The following CELF1 variants were observed in gnomAD, a reference collection of about 807,000 sequenced individuals.
The protein encoded by CELF1 is CUGBP Elav-like family member 1.
A neutral mutation model predicts 61.8 loss-of-function variants in CELF1; 10 were observed. The ratio of observed to expected loss-of-function variants is 0.16; its 90% CI spans 0.10 to 0.27. CELF1 has a LOEUF of 0.27. Ranked by LOEUF, CELF1 falls within the 10% of genes least tolerant of loss-of-function variation. The probability of loss-of-function intolerance (pLI) is 1.00; values close to 1 mark genes in which losing one functional copy is unlikely to be tolerated. For synonymous variants in CELF1, 236 were observed against 225.1 expected (o/e 1.05, Z -0.43); for missense variants, 380 against 639.1 (o/e 0.59, Z 4.37).
intron 1 of CELF1, among the ~76,000 whole-genome samples, chr11:47,511,852 TCTGA>T (rs2095210686): frequency 6.6e-6 from 1 of 151,510 alleles, no homozygotes; most frequent in Non-Finnish European, 1.5e-5. Flanking sequence ...TAAAGTTGAG[TCTGA>T]CTTTTTTTTT....
intron 1 of CELF1, among the ~76,000 whole-genome samples, chr11:47,552,091 G>A (rs2153779611): frequency 6.6e-6 from 1 of 151,656 alleles, no homozygotes; most frequent in East Asian, 1.9e-4. Context: ...ACATTATAAA[G>A]CATTTCATGC....
chr11:47,549,186 G>GA (rs1212819918), intron 1 of CELF1, among the ~76,000 whole-genome samples: 2 of 152,064 alleles, frequency 1.3e-5, no homozygotes, highest in Non-Finnish European at 2.9e-5. Context: ...AACTGCTATA[G>GA]AAAAAAGTAT....
In CELF1 at chr11:47,471,477, T is replaced by G. The variant is rs2077686943; in HGVS notation, c.*753A>C. 6.6e-6 allele frequency: 1 copy of G among 152,284 alleles called. No homozygotes were observed. Among genetic ancestry groups the G allele is most frequent in the South Asian group, 2.1e-4 (1 of 4,832 alleles). The allele number at this position is 152,284 out of a possible 1,614,324, so 9.4% of individuals were successfully genotyped here. On this transcript the variant is annotated 3_prime_UTR_variant, in exon 15 of 15. Transcript: ENST00000687097. ...CAGCCAGGCAAGGCCAATCCAATAC[T>G]GACTGCTGGCTGGGGGAGCTCGTAA...
chr11:47,489,345 A>G (rs2089707311), intron 3 of CELF1, among the ~76,000 whole-genome samples: 1 of 152,146 alleles, frequency 6.6e-6, no homozygotes, highest in Non-Finnish European at 1.5e-5. Context: ...CCAAAACAAG[A>G]TCAAGTTTTA....
At chr11:47,490,261 C>T (rs975963606) in intron 3 of CELF1, among the ~76,000 whole-genome samples, 4 of 151,814 alleles carry the variant, frequency 2.6e-5, no homozygotes, top group East Asian at 1.9e-4. Flanking sequence ...CAAAGTCCTT[C>T]GTCCTATTTG....
intron 2 of CELF1, among the ~76,000 whole-genome samples, chr11:47,558,252 G>T (rs918185220): frequency 6.6e-6 from 1 of 151,646 alleles, no homozygotes; most frequent in African/African-American, 2.4e-5. Context: ...ATGTCAAGTT[G>T]TCTGTCCTGC....
At chr11:47,483,586 T>C (rs901356440) in intron 7 of CELF1, 54 bp from the exon 8 acceptor site, 8 of 1,329,260 alleles carry the variant, frequency 6.0e-6, no homozygotes, top group African/African-American at 1.4e-5. Flanking sequence ...CTGACAAACA[T>C]TAACTGAGCA....
Position 47,478,951 on chromosome 11 carries a change from A to T in CELF1, c.770T>A (p.Leu257His). 2 of 1,610,914 alleles carry T rather than the reference A, an allele frequency of 1.2e-6. No homozygotes were observed. The highest frequency in any genetic ancestry group is 1.7e-6 in the Non-Finnish European group (2 of 1,178,472). The change falls in exon 10 of 15, where the codon CTT (leucine) becomes CAT (histidine). Residue 257 changes from leucine (L) to histidine (H), a missense_variant and splice_region_variant. Coordinates refer to ENST00000687097, the MANE Select transcript of CELF1 (RefSeq NM_001376376.1). ...LNTLGPQYLA[L>H]YLQLLQQTAS... ...AGTCTGCTGAAGGAGCTGCAAATAA[A>T]GCTAGACATTACACCAAAAAACAGA...
Position 47,488,969 on chromosome 11 carries a change from T to C in CELF1, c.127A>G (p.Ile43Val), listed in dbSNP as rs769917513. 12 of 1,612,844 alleles carry C rather than the reference T, an allele frequency of 7.4e-6. No individual in the cohort carries two copies. In the South Asian group the frequency reaches 8.8e-5, roughly 12 times the overall value. ...GGAACCTGGCCCACAAACATCTTGATAGCATCAAGATCTGGTTGGTCTGGG... is the reference window on the plus strand; with the variant it reads ...GGAACCTGGCCCACAAACATCTTGACAGCATCAAGATCTGGTTGGTCTGGG... ...DHPDQPDLDA[I>V]KMFVGQVPRT... is the part of the protein sequence containing the mutation. Residue 43 changes from isoleucine to valine, a missense_variant, in exon 4 of 15, where the codon ATC becomes GTC. Coordinates refer to ENST00000687097, the MANE Select transcript of CELF1 (RefSeq NM_001376376.1).
In CELF1 at chr11:47,530,688, C is replaced by T. The variant is rs542298197; in HGVS notation, c.-154+22304G>A. Reference sequence around the variant, plus strand: ...AGAGGAAAAAGGCTGGGTACAGTGGCTCATACCTGTAATCCCAGTACTTTC... The same window carrying T: ...AGAGGAAAAAGGCTGGGTACAGTGGTTCATACCTGTAATCCCAGTACTTTC... On this transcript the variant is annotated intron_variant, in intron 1 of 14. Coordinates refer to ENST00000687097, the MANE Select transcript of CELF1 (RefSeq NM_001376376.1). Among the ~76,000 whole-genome samples the T allele has an allele frequency of 2.0e-5, 3 of 152,294 alleles. No individual in the cohort carries two copies. The South Asian group carries it at 6.2e-4, about 32-fold the overall frequency.
chr11:47,537,437 C>T (rs1341041477), intron 1 of CELF1, among the ~76,000 whole-genome samples: 8 of 151,836 alleles, frequency 5.3e-5, no homozygotes, highest in African/African-American at 1.5e-4. Context: ...TTAGTAGAGA[C>T]GGGGTTTCAC....
intron 3 of CELF1, among the ~76,000 whole-genome samples, chr11:47,493,179 T>C (rs1047289335): frequency 1.3e-5 from 2 of 151,972 alleles, no homozygotes; most frequent in African/African-American, 4.8e-5. Context: ...ACCTACACCA[T>C]GAACCTCCCC....
rs185942352 is a variant in CELF1 at position 47,533,439 on chromosome 11, T to C, written c.-154+19553A>G. Among the ~76,000 whole-genome samples, 5 of 151,800 alleles carry C rather than the reference T, an allele frequency of 3.3e-5. No homozygotes were observed. In the East Asian group the frequency reaches 5.9e-4, roughly 18 times the overall value. On this transcript the variant is annotated intron_variant, in intron 1 of 14. Transcript: ENST00000687097. ...GAGTTCACGACCAGCCTGGGCAACA[T>C]GGTGAAACCCCCTCTCTACTAAAAT...
intron 10 of CELF1, among the ~76,000 whole-genome samples, chr11:47,478,398 T>C (rs930175882): frequency 2.6e-5 from 4 of 152,206 alleles, no homozygotes; most frequent in Admixed American, 2.0e-4. Flanking sequence ...CTGTGTACGA[T>C]AATAGCAACA....
chr11:47,498,752 T>C (rs2093517726), intron 3 of CELF1, among the ~76,000 whole-genome samples: 1 of 152,192 alleles, frequency 6.6e-6, no homozygotes, highest in African/African-American at 2.4e-5. Context: ...GGTTAGCATT[T>C]TGGCTGTGTA....
intron 14 of CELF1, 63 bp from the exon 15 acceptor site, chr11:47,472,420 C>T: frequency 6.4e-7 from 1 of 1,564,402 alleles, no homozygotes; most frequent in Non-Finnish European, 8.8e-7. Context: ...CTCAGTCCTC[C>T]TTATGCAAGA....
intron 1 of CELF1, among the ~76,000 whole-genome samples, chr11:47,528,931 A>G (rs944492132): frequency 4.6e-5 from 7 of 151,658 alleles, no homozygotes; most frequent in South Asian, 2.1e-4. Flanking sequence ...TTTTACTTTT[A>G]TATCTGTCTC....
chr11:47,477,507 GA>G (rs2080805994), intron 10 of CELF1, 82 bp from the exon 11 acceptor site: 1 of 1,463,078 alleles, frequency 6.8e-7, no homozygotes, highest in Admixed American at 1.8e-5. Flanking sequence ...CACACTGGCA[GA>G]GGGCTGGTCC....
In CELF1 at chr11:47,478,867, A is replaced by G; in HGVS notation, c.844+10T>C. ...GTGCTGCTGCTCCTCTGCAGCAGTG[A>G]AACACTTACCTCCCATTGGGTGGAG... On this transcript the variant is annotated intron_variant, in intron 10 of 14. Transcript: ENST00000687097. The G allele has an allele frequency of 6.2e-7, 1 of 1,609,548 alleles. No homozygotes were observed. Among genetic ancestry groups the G allele is most frequent in the Non-Finnish European group, 8.5e-7 (1 of 1,177,582 alleles).
Sources: allele counts gnomAD v4.1 joint callset (sites outside exome capture counted in the v4.1 genomes callset), GRCh38; gene constraint gnomAD v4.1.1; transcripts MANE v1.5; gene names NCBI Gene and HGNC (gene_info 2026-07-23, HGNC 2026-07-21).